Variants in PDE4B observed in about 807,000 individuals in gnomAD.
The protein encoded by PDE4B is phosphodiesterase 4B.
In PDE4B, 20 loss-of-function variants were observed where a neutral mutation model predicts 82.2. The observed-to-expected ratio is 0.24, with a 90% CI of 0.17 to 0.35. The LOEUF (loss-of-function observed/expected upper bound fraction) is 0.35. Among genes scored for constraint, PDE4B ranks in the 10% least tolerant of loss-of-function variants. The probability of loss-of-function intolerance (pLI) is 1.00; values close to 1 mark genes in which losing one functional copy is unlikely to be tolerated. For missense variants in PDE4B, 655 were observed against 907.2 expected (o/e 0.72, Z 3.57); for synonymous variants, 320 against 318.9 (o/e 1.00, Z -0.04).
intron 1 of PDE4B, among the ~76,000 whole-genome samples, chr1:65,804,335 TAA>T (rs971812330): frequency 6.6e-6 from 1 of 152,232 alleles, no homozygotes; most frequent in African/African-American, 2.4e-5. Context: ...TGGTGTATGC[TAA>T]AGAGACAGTA....
intron 1 of PDE4B, among the ~76,000 whole-genome samples, chr1:65,905,450 G>A (rs1285840338): frequency 6.6e-6 from 1 of 152,100 alleles, no homozygotes; most frequent in Non-Finnish European, 1.5e-5. Context: ...GGGGAAGCAA[G>A]TGGAAGCAAA....
chr1:66,039,654 T>G (rs1272135261), intron 3 of PDE4B, among the ~76,000 whole-genome samples: 2 of 152,098 alleles, frequency 1.3e-5, no homozygotes, highest in Non-Finnish European at 1.5e-5. Context: ...AACATGGATT[T>G]AAATCGTGTT....
At chr1:65,865,135 G>T (rs1316924042) in intron 1 of PDE4B, among the ~76,000 whole-genome samples, 2 of 152,324 alleles carry the variant, frequency 1.3e-5, no homozygotes, top group African/African-American at 4.8e-5. Flanking sequence ...CCATGCTGTG[G>T]TGAGTTCTGC....
At chr1:65,902,518 T>C (rs1646982878) in intron 1 of PDE4B, among the ~76,000 whole-genome samples, 1 of 152,170 alleles carries the variant, frequency 6.6e-6, no homozygotes, top group Non-Finnish European at 1.5e-5. Context: ...CTGGTCCTCC[T>C]AGGCAGACTT....
At chr1:65,841,589 G>A (rs1279605300) in intron 1 of PDE4B, among the ~76,000 whole-genome samples, 1 of 152,108 alleles carries the variant, frequency 6.6e-6, no homozygotes, top group Non-Finnish European at 1.5e-5. Context: ...GGCTTCAAGG[G>A]AGGCCTTGAA....
intron 8 of PDE4B, among the ~76,000 whole-genome samples, chr1:66,349,669 C>T (rs55716202): frequency 0.019 from 2,888 of 152,156 alleles, 82 homozygotes; most frequent in East Asian, 0.062. Context: ...AGAAACTGGA[C>T]ATCAAGTTTC....
At chr1:66,179,152 T>A (rs976088934) in intron 3 of PDE4B, among the ~76,000 whole-genome samples, 1 of 152,152 alleles carries the variant, frequency 6.6e-6, no homozygotes, top group Non-Finnish European at 1.5e-5. Flanking sequence ...TGCCCGGCCC[T>A]TAACTTTTCA....
intron 1 of PDE4B, among the ~76,000 whole-genome samples, chr1:65,871,692 G>A (rs565585838): frequency 3.9e-5 from 6 of 152,242 alleles, no homozygotes; most frequent in South Asian, 2.1e-4. Flanking sequence ...ACTTTCCATC[G>A]TCTGACCATG....
intron 1 of PDE4B, among the ~76,000 whole-genome samples, chr1:65,864,302 G>A (rs1646486371): frequency 6.6e-6 from 1 of 151,952 alleles, no homozygotes; most frequent in South Asian, 2.1e-4. Flanking sequence ...CCTTGGGTTA[G>A]AACATGCTCC....
At chr1:66,216,752 A>G (rs1650494908) in intron 3 of PDE4B, among the ~76,000 whole-genome samples, 1 of 152,158 alleles carries the variant, frequency 6.6e-6, no homozygotes. Context: ...AATAATGGAA[A>G]AGAGATGCAG....
intron 4 of PDE4B, among the ~76,000 whole-genome samples, chr1:66,250,290 C>T (rs1032387700): frequency 1.3e-5 from 2 of 152,096 alleles, no homozygotes; most frequent in East Asian, 1.9e-4. Flanking sequence ...TGGGGGCTGC[C>T]GGATGTTCCC....
intron 3 of PDE4B, among the ~76,000 whole-genome samples, chr1:66,152,925 C>T (rs1646432702): frequency 6.6e-6 from 1 of 152,108 alleles, no homozygotes; most frequent in South Asian, 2.1e-4. Flanking sequence ...ACCCCACATG[C>T]ATTATTGAGA....
At chr1:66,134,644 T>C (rs1375689207) in intron 3 of PDE4B, among the ~76,000 whole-genome samples, 1 of 152,244 alleles carries the variant, frequency 6.6e-6, no homozygotes, top group Non-Finnish European at 1.5e-5. Flanking sequence ...TATCTAAGGC[T>C]ATTTCCTTAT....
chr1:65,881,503 G>T (rs2310880), intron 1 of PDE4B, among the ~76,000 whole-genome samples: 34 of 152,062 alleles, frequency 2.2e-4, no homozygotes, highest in African/African-American at 8.0e-4. Context: ...ATAATTTTCT[G>T]GAATGCTTAC....
intron 3 of PDE4B, among the ~76,000 whole-genome samples, chr1:66,193,494 G>A (rs1404188088): frequency 6.6e-6 from 1 of 152,054 alleles, no homozygotes; most frequent in East Asian, 1.9e-4. Context: ...ATTATTTTTG[G>A]TGAGAAAAAG....
chr1:66,188,998 C>T (rs1000754721), intron 3 of PDE4B, among the ~76,000 whole-genome samples: 2 of 152,118 alleles, frequency 1.3e-5, no homozygotes, highest in Non-Finnish European at 2.9e-5. Flanking sequence ...ATGTTTAGTG[C>T]TTCCTTCAGG....
chr1:66,060,449 C>T (rs781455590), intron 3 of PDE4B, among the ~76,000 whole-genome samples: 4 of 152,070 alleles, frequency 2.6e-5, no homozygotes, highest in African/African-American at 7.2e-5. Flanking sequence ...TAGTCATTAG[C>T]CAGACATGTG....
chr1:66,226,111 C>G (rs1651432055), intron 3 of PDE4B, among the ~76,000 whole-genome samples: 1 of 152,222 alleles, frequency 6.6e-6, no homozygotes, highest in Non-Finnish European at 1.5e-5. Context: ...ATTTGTCTAG[C>G]AAAATGCTTT....
chr1:66,135,734 T>G lies in PDE4B; in HGVS notation c.282-111726T>G, dbSNP rs1646043529. On this transcript the variant is annotated intron_variant, in intron 3 of 16. Coordinates refer to ENST00000341517, the MANE Select transcript of PDE4B (RefSeq NM_002600.4). ...CAATAATATAGATGTATTCGTATAC[T>G]TAATAAGTACAGCTTGAGAGACTGC... Among the ~76,000 whole-genome samples, 4 of 152,182 alleles carry G rather than the reference T, an allele frequency of 2.6e-5. No individual in the cohort carries two copies. The South Asian group carries it at 8.3e-4, about 32-fold the overall frequency.
Sources: gnomAD v4.1 joint callset for allele counts (sites outside exome capture counted in the v4.1 genomes callset) on GRCh38, gnomAD v4.1.1 for gene constraint, MANE v1.5 for transcripts, NCBI Gene and HGNC (gene_info 2026-07-23, HGNC 2026-07-21) for gene names.